MICU1: variants seen among roughly 807,000 people sequenced by gnomAD.
The protein encoded by MICU1 is mitochondrial calcium uptake 1, also known as calcium uptake protein 1, mitochondrial.
Under a neutral mutation model 56.8 loss-of-function variants are expected in MICU1, and 45 were observed. The ratio of observed to expected loss-of-function variants is 0.79; its 90% CI spans 0.62 to 1.02. The LOEUF (loss-of-function observed/expected upper bound fraction) is 1.02, where lower values mean the gene tolerates loss of function less well. Ranked by LOEUF, MICU1 falls within the 50% of genes least tolerant of loss-of-function variation. MICU1 has a pLI of 0.00. For missense variants in MICU1, 504 were observed against 587.1 expected (o/e 0.86, Z 1.46); for synonymous variants, 186 against 195.1 (o/e 0.95, Z 0.39).
In MICU1 at chr10:72,370,734, G is replaced by A. The variant is rs557395916; in HGVS notation, c.1271-2379C>T. On this transcript the variant is annotated intron_variant, in intron 11 of 11. Coordinates refer to ENST00000361114, the MANE Select transcript of MICU1 (RefSeq NM_001195518.2). ...AAAATTTACCAAGCTGTACACTTAAGATATTTGTACTTTAGGCTGGGCACA... is the reference window on the plus strand; with the variant it reads ...AAAATTTACCAAGCTGTACACTTAAAATATTTGTACTTTAGGCTGGGCACA... Among the ~76,000 whole-genome samples the A allele has an allele frequency of 7.4e-4, 112 of 152,228 alleles. 1 individual carries two copies. Among genetic ancestry groups the A allele is most frequent in the South Asian group, 2.1e-3 (10 of 4,822 alleles).
At chr10:72,408,895 T>C (rs1056291039) in intron 9 of MICU1, among the ~76,000 whole-genome samples, 3 of 152,212 alleles carry the variant, frequency 2.0e-5, no homozygotes, top group Admixed American at 6.5e-5. Flanking sequence ...ACCCACAAAG[T>C]AATTTGCCAC....
At chr10:72,587,866 C>T (rs148268223) in intron 1 of MICU1, among the ~76,000 whole-genome samples, 136 of 152,036 alleles carry the variant, frequency 8.9e-4, no homozygotes, top group Non-Finnish European at 1.5e-3. Flanking sequence ...GTCTCTAAGC[C>T]ACTTCTTTGA....
intron 6 of MICU1, among the ~76,000 whole-genome samples, chr10:72,504,965 T>C (rs982997372): frequency 2.7e-5 from 4 of 150,484 alleles, no homozygotes; most frequent in Non-Finnish European, 5.9e-5. Flanking sequence ...TTATTATCAT[T>C]ATTATTATTA....
intron 10 of MICU1, among the ~76,000 whole-genome samples, chr10:72,380,081 AT>A (rs1009732468): frequency 3.7e-4 from 56 of 152,258 alleles, no homozygotes; most frequent in African/African-American, 1.3e-3. Context: ...ATATCTCTGA[AT>A]CCAGTCATAA....
At chr10:72,377,350 C>A (rs746879712) in intron 10 of MICU1, among the ~76,000 whole-genome samples, 1 of 152,062 alleles carries the variant, frequency 6.6e-6, no homozygotes, top group Non-Finnish European at 1.5e-5. Context: ...GAACTCCTGA[C>A]CTCAGGTGAT....
intron 1 of MICU1, among the ~76,000 whole-genome samples, chr10:72,587,145 T>C (rs1458898967): frequency 2.0e-5 from 3 of 152,146 alleles, no homozygotes; most frequent in Non-Finnish European, 4.4e-5. Context: ...AGCCTAAGGT[T>C]AATAGAAAAG....
In MICU1 at chr10:72,375,824, T is replaced by TCTG. The variant is rs777915601; in HGVS notation, c.1226_1228dup (p.Ser409_Asp410insAla). On this transcript the variant is annotated inframe_insertion, in exon 11 of 12. Coordinates refer to ENST00000361114, the MANE Select transcript of MICU1 (RefSeq NM_001195518.2). ...TGCAAACACCACATCACACACGTGG[T>TCTG]CTGAGAGCTCCACTTTAGCCACTGT... The TCTG allele has an allele frequency of 1.2e-6, 2 of 1,613,470 alleles. No homozygotes were observed. Among genetic ancestry groups the TCTG allele is most frequent in the Non-Finnish European group, 1.7e-6 (2 of 1,179,718 alleles).
intron 8 of MICU1, chr10:72,467,769 C>T (rs1227152682): frequency 2.0e-5 from 3 of 152,012 alleles, no homozygotes; most frequent in African/African-American, 7.3e-5. Flanking sequence ...CTGAATCATA[C>T]CTAATTTACC....
chr10:72,597,719 T>C (rs1051015169), intron 1 of MICU1, among the ~76,000 whole-genome samples: 1 of 152,226 alleles, frequency 6.6e-6, no homozygotes, highest in Non-Finnish European at 1.5e-5. Context: ...GGTTATTTTA[T>C]ACAACATTTT....
At chr10:72,405,552 G>GA (rs1863600180) in intron 10 of MICU1, among the ~76,000 whole-genome samples, 1 of 134,294 alleles carries the variant, frequency 7.4e-6, no homozygotes, top group African/African-American at 2.7e-5. Flanking sequence ...AAAATACTCT[G>GA]ACATAAAACC....
At chr10:72,455,350 CAAAAA>C (rs56378605) in intron 8 of MICU1, among the ~76,000 whole-genome samples, 10 of 44,204 alleles carry the variant, frequency 2.3e-4, no homozygotes, top group African/African-American at 6.7e-4. Context: ...GACTCTGTCT[CAAAAA>C]AAAAAAAAAA....
chr10:72,502,679 C>A (rs1268015179), intron 6 of MICU1, among the ~76,000 whole-genome samples: 2 of 152,122 alleles, frequency 1.3e-5, no homozygotes, highest in African/African-American at 4.8e-5. Flanking sequence ...GACTTGGGAA[C>A]CATTTAGTGT....
intron 6 of MICU1, among the ~76,000 whole-genome samples, chr10:72,500,927 C>A (rs1238217146): frequency 1.3e-5 from 2 of 152,152 alleles, no homozygotes; most frequent in African/African-American, 2.4e-5. Flanking sequence ...AATTTAAGAC[C>A]ATCAGCTAAT....
chr10:72,392,232 A>AAACC (rs1409628595), intron 10 of MICU1, among the ~76,000 whole-genome samples: 5 of 152,172 alleles, frequency 3.3e-5, no homozygotes, highest in Admixed American at 2.0e-4. Context: ...TCCTGGAACC[A>AAACC]AACCCCTGAA....
At chr10:72,419,763 C>T (rs1864094487) in intron 9 of MICU1, among the ~76,000 whole-genome samples, 1 of 152,110 alleles carries the variant, frequency 6.6e-6, no homozygotes, top group Non-Finnish European at 1.5e-5. Context: ...AGTGATTTGT[C>T]TAATGACTAT....
At chr10:72,457,739 C>CAG (rs566174376) in intron 8 of MICU1, among the ~76,000 whole-genome samples, 1,586 of 151,644 alleles carry the variant, frequency 0.01, 9 homozygotes, top group Non-Finnish European at 0.019. Flanking sequence ...GAGAGAGAGA[C>CAG]AGAGAGAGAG....
intron 8 of MICU1, among the ~76,000 whole-genome samples, chr10:72,441,966 C>T (rs151017095): frequency 9.9e-4 from 151 of 152,144 alleles, no homozygotes; most frequent in Middle Eastern, 3.4e-3. Flanking sequence ...AATATTTCTT[C>T]ATCTGTCACC....
chr10:72,514,836 C>T (rs998132374), intron 5 of MICU1, among the ~76,000 whole-genome samples: 4 of 152,200 alleles, frequency 2.6e-5, no homozygotes, highest in Non-Finnish European at 5.9e-5. Flanking sequence ...AAGCCTTCTA[C>T]ACTCCCCTGT....
At chr10:72,553,780 A>C (rs1206665235) in intron 3 of MICU1, among the ~76,000 whole-genome samples, 1 of 152,178 alleles carries the variant, frequency 6.6e-6, no homozygotes, top group Non-Finnish European at 1.5e-5. Flanking sequence ...AAAGTAACAG[A>C]CTTAGTATAC....
Sources: gnomAD v4.1 joint callset for allele counts (sites outside exome capture counted in the v4.1 genomes callset) on GRCh38, gnomAD v4.1.1 for gene constraint, MANE v1.5 for transcripts, NCBI Gene and HGNC (gene_info 2026-07-23, HGNC 2026-07-21) for gene names.